FOXP1: variants seen among roughly 807,000 people sequenced by gnomAD.
The protein encoded by FOXP1 is forkhead box protein P1.
Under a neutral mutation model 98.2 loss-of-function variants are expected in FOXP1, and 15 were observed. The observed-to-expected ratio is 0.15, with a 90% CI of 0.10 to 0.24. FOXP1 has a LOEUF of 0.24. Ranked by LOEUF, FOXP1 falls within the 10% of genes least tolerant of loss-of-function variation. The probability of loss-of-function intolerance (pLI) is 1.00; values close to 1 mark genes in which losing one functional copy is unlikely to be tolerated. For missense variants in FOXP1, 633 were observed against 848.5 expected (o/e 0.75, Z 3.15); for synonymous variants, 371 against 314.5 (o/e 1.18, Z -1.90).
chr3:71,274,080 C>T (rs988220655), intron 5 of FOXP1, among the ~76,000 whole-genome samples: 26 of 152,302 alleles, frequency 1.7e-4, no homozygotes, highest in African/African-American at 5.8e-4. Context: ...GGAGCCCTCC[C>T]TTCCAATTCC....
At chr3:71,269,978 T>C (rs76176112) in intron 5 of FOXP1, among the ~76,000 whole-genome samples, 1,879 of 152,320 alleles carry the variant, frequency 0.012, 22 homozygotes, top group Non-Finnish European at 0.02. Flanking sequence ...TTCTATACTT[T>C]TTGCCAAAGC....
At chr3:70,972,111 A>C (rs755972737) in intron 18 of FOXP1, 2 of 1,533,518 alleles carry the variant, frequency 1.3e-6, no homozygotes, top group South Asian at 2.4e-5. Context: ...TCAACTGTCC[A>C]AAAGGACCCA....
intron 3 of FOXP1, among the ~76,000 whole-genome samples, chr3:71,420,676 C>A (rs1317130450): frequency 2.6e-5 from 4 of 152,042 alleles, no homozygotes; most frequent in African/African-American, 9.7e-5. Flanking sequence ...GCTTTTCCTG[C>A]CTGACCTTAA....
At chr3:71,034,587 T>C (rs143323166) in intron 11 of FOXP1, among the ~76,000 whole-genome samples, 52 of 152,196 alleles carry the variant, frequency 3.4e-4, no homozygotes, top group African/African-American at 1.1e-3. Context: ...ATCAGTATAG[T>C]ATCAAGCCCT....
At chr3:71,015,715 C>T (rs1471085456) in intron 11 of FOXP1, 62 bp from the exon 12 acceptor site, 10 of 1,230,168 alleles carry the variant, frequency 8.1e-6, no homozygotes, top group African/African-American at 1.5e-5. Flanking sequence ...TTCCACCAGA[C>T]GAGGATAAAA....
chr3:71,450,198 C>T (rs1354665926), intron 3 of FOXP1, among the ~76,000 whole-genome samples: 1 of 152,232 alleles, frequency 6.6e-6, no homozygotes, highest in Non-Finnish European at 1.5e-5. Flanking sequence ...AATGATTTAA[C>T]TGAAACTACT....
intron 2 of FOXP1, among the ~76,000 whole-genome samples, chr3:71,509,053 C>T (rs916323758): frequency 1.3e-5 from 2 of 152,324 alleles, no homozygotes; most frequent in African/African-American, 4.8e-5. Flanking sequence ...CTCCACTCTC[C>T]GTATGGATTT....
intron 3 of FOXP1, among the ~76,000 whole-genome samples, chr3:71,440,169 G>A (rs1329351693): frequency 6.6e-6 from 1 of 152,156 alleles, no homozygotes; most frequent in African/African-American, 2.4e-5. Context: ...AAGTTCTGGA[G>A]ACTGGTTGCA....
chr3:71,034,832 T>C (rs1450204564), intron 11 of FOXP1, among the ~76,000 whole-genome samples: 2 of 152,148 alleles, frequency 1.3e-5, no homozygotes, highest in Admixed American at 1.3e-4. Flanking sequence ...CCTTCAGTCA[T>C]ATGATTTCTA....
chr3:71,250,239 T>C (rs1348324061), intron 5 of FOXP1, among the ~76,000 whole-genome samples: 1 of 152,174 alleles, frequency 6.6e-6, no homozygotes, highest in Non-Finnish European at 1.5e-5. Context: ...CGTTGCCAAA[T>C]GTCCCCTGCT....
chr3:71,359,035 A>C (rs2078370531), intron 4 of FOXP1, 115 bp downstream of exon 4: 1 of 152,184 alleles, frequency 6.6e-6, no homozygotes, highest in Non-Finnish European at 1.5e-5. Context: ...TCAGGGCCTG[A>C]TAATTAGAAA....
At chr3:71,312,348 G>C (rs919761687) in intron 4 of FOXP1, among the ~76,000 whole-genome samples, 1 of 152,008 alleles carries the variant, frequency 6.6e-6, no homozygotes, top group African/African-American at 2.4e-5. Flanking sequence ...GCAGGGTGGA[G>C]GTATAGATAA....
At chr3:71,157,079 A>G (rs1367540561) in intron 6 of FOXP1, among the ~76,000 whole-genome samples, 1 of 152,266 alleles carries the variant, frequency 6.6e-6, no homozygotes, top group Non-Finnish European at 1.5e-5. Context: ...AATGCAGAGA[A>G]GCAAAGCAGA....
At chr3:71,566,037 A>G (rs2046887866) in intron 2 of FOXP1, among the ~76,000 whole-genome samples, 1 of 152,196 alleles carries the variant, frequency 6.6e-6, no homozygotes, top group Non-Finnish European at 1.5e-5. Context: ...TCTCCACTCT[A>G]TTGTGTATAA....
intron 7 of FOXP1, among the ~76,000 whole-genome samples, chr3:71,079,185 C>T (rs1267346786): frequency 6.6e-6 from 1 of 152,134 alleles, no homozygotes; most frequent in Non-Finnish European, 1.5e-5. Flanking sequence ...GTCTGCCCCT[C>T]TAGTCCAGAG....
At chr3:71,482,531 A>C (rs1404974734) in intron 3 of FOXP1, among the ~76,000 whole-genome samples, 1 of 151,778 alleles carries the variant, frequency 6.6e-6, no homozygotes, top group African/African-American at 2.4e-5. Flanking sequence ...TTACCAAGTA[A>C]CTGGGATTAC....
chr3:71,459,401 C>T (rs1329122599), intron 3 of FOXP1, among the ~76,000 whole-genome samples: 1 of 152,172 alleles, frequency 6.6e-6, no homozygotes, highest in Non-Finnish European at 1.5e-5. Flanking sequence ...GAAGGGGATA[C>T]AGATGGACAT....
chr3:71,546,483 T>C (rs2045371266), intron 2 of FOXP1, among the ~76,000 whole-genome samples: 1 of 152,134 alleles, frequency 6.6e-6, no homozygotes, highest in Non-Finnish European at 1.5e-5. Context: ...AACTTTTCGA[T>C]GATGGAACAG....
chr3:71,488,910 A>G (rs2090860890), intron 3 of FOXP1, among the ~76,000 whole-genome samples: 2 of 152,332 alleles, frequency 1.3e-5, no homozygotes, highest in African/African-American at 4.8e-5. Context: ...TATAAAACAT[A>G]TTATGTAGTT....
Sources: allele counts gnomAD v4.1 joint callset (sites outside exome capture counted in the v4.1 genomes callset), GRCh38; gene constraint gnomAD v4.1.1; transcripts MANE v1.5; gene names NCBI Gene and HGNC (gene_info 2026-07-23, HGNC 2026-07-21).